GAS7: variants seen among roughly 807,000 people sequenced by gnomAD.
GAS7 encodes the protein growth arrest specific 7.
GAS7 carries 28 observed loss-of-function variants against 71.1 expected under a neutral mutation model. That is an observed-to-expected ratio of 0.39 (90% CI 0.29 to 0.54). The LOEUF (loss-of-function observed/expected upper bound fraction) is 0.54, where lower values mean the gene tolerates loss of function less well. Among genes scored for constraint, GAS7 ranks in the 20% least tolerant of loss-of-function variants. The probability of loss-of-function intolerance (pLI) is 0.62; values close to 1 mark genes in which losing one functional copy is unlikely to be tolerated. For synonymous variants in GAS7, 258 were observed against 245.8 expected (o/e 1.05, Z -0.46); for missense variants, 436 against 627.8 (o/e 0.69, Z 3.27).
At chr17:10,061,977 G>GCCAC (rs2073224939) in intron 1 of GAS7, among the ~76,000 whole-genome samples, 6 of 152,182 alleles carry the variant, frequency 3.9e-5, no homozygotes, top group African/African-American at 1.4e-4. Flanking sequence ...GCACAGGACC[G>GCCAC]CCGCCCACAA....
intron 1 of GAS7, among the ~76,000 whole-genome samples, chr17:10,100,412 CT>C (rs138826879): frequency 0.028 from 4,300 of 152,294 alleles, 193 homozygotes; most frequent in African/African-American, 0.097. Flanking sequence ...TCTCTGCCCT[CT>C]ATTCCTTCAG....
At chr17:9,979,724 C>T (rs1019067393) in intron 3 of GAS7, among the ~76,000 whole-genome samples, 10 of 152,192 alleles carry the variant, frequency 6.6e-5, no homozygotes, top group Non-Finnish European at 1.2e-4. Context: ...CTCTGCCGGC[C>T]TCCCTGTCCT....
intron 7 of GAS7, among the ~76,000 whole-genome samples, chr17:9,940,446 T>C (rs2068561596): frequency 6.6e-6 from 1 of 152,242 alleles, no homozygotes; most frequent in Non-Finnish European, 1.5e-5. Flanking sequence ...TTCTCCGGTC[T>C]CCTAGAGCTG....
chr17:10,062,910 C>T (rs1300486434), intron 1 of GAS7, among the ~76,000 whole-genome samples: 1 of 152,250 alleles, frequency 6.6e-6, no homozygotes, highest in Admixed American at 6.5e-5. Context: ...AGCAGTCCTG[C>T]ACCACGTGAG....
rs2067475474 is a variant in GAS7, at chr17:9,912,848, G to A, written c.*4380C>T. 1 of 232,628 alleles carries A rather than the reference G, an allele frequency of 4.3e-6. No individual in the cohort carries two copies. The highest frequency in any genetic ancestry group is 8.5e-6 in the Non-Finnish European group (1 of 117,766). The allele number at this position is 232,628 out of a possible 1,614,324, so 14.4% of individuals were successfully genotyped here. A position where few individuals can be genotyped will look rare whatever the true frequency, so the allele number is the denominator to read the frequency against. On this transcript the variant is annotated 3_prime_UTR_variant, in exon 14 of 14. Coordinates refer to ENST00000432992, the MANE Select transcript of GAS7 (RefSeq NM_201433.2). The stretch of plus-strand genomic sequence containing the variant: ...AGTGTAAAAATAAAGAAGCAGAGTA[G>A]TACGCCCATGCAATGAAATACTTCC...
At position 10,117,070 on chromosome 17, in the gene GAS7, G is replaced by A. The variant is rs181947150; in HGVS notation, c.183+81138C>T. On this transcript the variant is annotated intron_variant, in intron 1 of 13. Coordinates refer to ENST00000432992, the MANE Select transcript of GAS7 (RefSeq NM_201433.2). ...TTCTGGAGGTCAAAAGTCTGAAACA[G>A]GTTTCACAGGGCTAAAGTCAAGATG... 2.6e-4 allele frequency among the ~76,000 whole-genome samples: 40 copies of A among 152,270 alleles called. No individual in the cohort carries two copies. The East Asian group carries it at 3.9e-3, about 15-fold the overall frequency.
intron 1 of GAS7, among the ~76,000 whole-genome samples, chr17:10,071,058 C>CCCAATCTGGAACA (rs1331042122): frequency 2.6e-5 from 4 of 151,998 alleles, no homozygotes; most frequent in African/African-American, 9.7e-5. Context: ...GGAACACCTG[C>CCCAATCTGGAACA]TCAGCCCAAT....
intron 1 of GAS7, among the ~76,000 whole-genome samples, chr17:10,194,836 G>A (rs1230697696): frequency 1.6e-5 from 2 of 128,244 alleles, no homozygotes; most frequent in African/African-American, 6.0e-5. Context: ...TCCAGCCTGA[G>A]CAACAGTGCG....
At chr17:9,986,484 T>C (rs1413339574) in intron 2 of GAS7, among the ~76,000 whole-genome samples, 1 of 152,154 alleles carries the variant, frequency 6.6e-6, no homozygotes, top group Middle Eastern at 3.2e-3. Flanking sequence ...ACAGAGAAGC[T>C]GCTGGTCCCC....
chr17:10,052,746 G>A (rs2073079303), intron 1 of GAS7, among the ~76,000 whole-genome samples: 1 of 152,106 alleles, frequency 6.6e-6, no homozygotes, highest in African/African-American at 2.4e-5. Flanking sequence ...CAGCCCAGAA[G>A]GGGAACCACC....
At chr17:10,169,881 C>A (rs2074323312) in intron 1 of GAS7, among the ~76,000 whole-genome samples, 1 of 152,160 alleles carries the variant, frequency 6.6e-6, no homozygotes, top group Non-Finnish European at 1.5e-5. Flanking sequence ...AAACTTAACT[C>A]TTGATTTCCT....
intron 2 of GAS7, among the ~76,000 whole-genome samples, chr17:9,991,934 G>C (rs537288758): frequency 6.6e-6 from 1 of 152,274 alleles, no homozygotes; most frequent in East Asian, 1.9e-4. Context: ...AAGCACAGGT[G>C]TTTGGCAAAG....
At chr17:10,170,991 G>C (rs1331692919) in intron 1 of GAS7, among the ~76,000 whole-genome samples, 1 of 152,148 alleles carries the variant, frequency 6.6e-6, no homozygotes, top group African/African-American at 2.4e-5. Flanking sequence ...TGTCTTCTAA[G>C]CTCAGCAATT....
chr17:10,122,183 G>A (rs906505252), intron 1 of GAS7, among the ~76,000 whole-genome samples: 5 of 152,178 alleles, frequency 3.3e-5, no homozygotes, highest in African/African-American at 4.8e-5. Flanking sequence ...GTGCACACCG[G>A]TGGTACCCAC....
intron 4 of GAS7, among the ~76,000 whole-genome samples, chr17:9,961,547 A>G (rs2069495079): frequency 6.6e-6 from 1 of 152,200 alleles, no homozygotes; most frequent in Admixed American, 6.5e-5. Flanking sequence ...CCAGCACTCC[A>G]GCAGCCTTGG....
intron 7 of GAS7, among the ~76,000 whole-genome samples, chr17:9,942,179 C>T (rs933712254): frequency 3.4e-4 from 51 of 151,866 alleles, no homozygotes; most frequent in African/African-American, 1.2e-3. Context: ...GCTTGAACCC[C>T]GGAGATGGAG....
intron 11 of GAS7, among the ~76,000 whole-genome samples, chr17:9,921,650 T>C (rs17683119): frequency 0.1 from 15,799 of 152,138 alleles, 1,106 homozygotes; most frequent in Non-Finnish European, 0.15. Flanking sequence ...GTTAAGACCA[T>C]GGATTGTGGG....
At chr17:10,004,310 T>A (rs1377114325) in intron 2 of GAS7, among the ~76,000 whole-genome samples, 4 of 152,188 alleles carry the variant, frequency 2.6e-5, no homozygotes, top group African/African-American at 9.7e-5. Context: ...TGATAATCAA[T>A]TCACATGGTC....
At chr17:9,950,121 C>T (rs1184702696) in intron 5 of GAS7, among the ~76,000 whole-genome samples, 1 of 152,080 alleles carries the variant, frequency 6.6e-6, no homozygotes, top group Non-Finnish European at 1.5e-5. Flanking sequence ...TCCTCGGCCT[C>T]CCAAAGTGCT....
Sources: allele counts gnomAD v4.1 joint callset (sites outside exome capture counted in the v4.1 genomes callset), GRCh38; gene constraint gnomAD v4.1.1; transcripts MANE v1.5; gene names NCBI Gene and HGNC (gene_info 2026-07-23, HGNC 2026-07-21).